The following PIEZO2 variants were observed in gnomAD, a reference collection of about 807,000 sequenced individuals.
PIEZO2 encodes piezo type mechanosensitive ion channel component 2.
Under a neutral mutation model 337.3 loss-of-function variants are expected in PIEZO2, and 172 were observed. The ratio of observed to expected loss-of-function variants is 0.51; its 90% CI spans 0.45 to 0.58. The LOEUF is 0.58. Ranked by LOEUF, PIEZO2 falls within the 20% of genes least tolerant of loss-of-function variation. PIEZO2 has a pLI of 0.00. For missense variants in PIEZO2, 3,028 were observed against 3,391.3 expected (o/e 0.89, Z 2.66); for synonymous variants, 1,251 against 1,228.5 (o/e 1.02, Z -0.38).
Position 10,969,832 on chromosome 18 carries a change from G to A in PIEZO2, c.286+9703C>T, listed in dbSNP as rs1462374208. Among the ~76,000 whole-genome samples, 2 of 147,540 alleles carry A rather than the reference G, an allele frequency of 1.4e-5. No homozygotes were observed. Among genetic ancestry groups the A allele is most frequent in the African/African-American group, 5.0e-5 (2 of 39,950 alleles). On this transcript the variant is annotated intron_variant, in intron 3 of 55. Transcript: ENST00000674853. The surrounding 1 kb of genome is among the most constrained non-coding windows in gnomAD (Gnocchi z 4.5). ...TTGTTTACTTGCAGGTCCAGCAGGT[G>A]AGGACACCACCGAGAATCGGTCACA... is the stretch of plus-strand genomic sequence containing the variant.
chr18:11,041,530 G>C (rs1228134000), intron 2 of PIEZO2, among the ~76,000 whole-genome samples: 1 of 151,994 alleles, frequency 6.6e-6, no homozygotes, highest in African/African-American at 2.4e-5. Context: ...AAGGTCAGTG[G>C]GTTTTTATAC....
At chr18:10,754,633 G>A (rs189737805) in intron 27 of PIEZO2, among the ~76,000 whole-genome samples, 41 of 152,322 alleles carry the variant, frequency 2.7e-4, no homozygotes, top group Admixed American at 2.3e-3. Flanking sequence ...GGGCTGGACT[G>A]ATTGTTTTCT....
Position 10,716,522 on chromosome 18 carries a change from A to G in PIEZO2, c.5090-706T>C, listed in dbSNP as rs1163547585. 1.3e-5 allele frequency among the ~76,000 whole-genome samples: 2 copies of G among 152,216 alleles called. No individual in the cohort carries two copies. The highest frequency in any genetic ancestry group is 2.9e-5 in the Non-Finnish European group (2 of 68,042). ...TTCCATGAGGTACATTTAAGAAGCA[A>G]GGAAAAGAGCGGGTATCTTTTGCTG... On this transcript the variant is annotated intron_variant, in intron 37 of 55. Coordinates refer to ENST00000674853, the MANE Select transcript of PIEZO2 (RefSeq NM_001378183.1). This position sits in a 1 kb window ranked among gnomAD's most constrained non-coding sequence, Gnocchi z 4.1.
intron 14 of PIEZO2, among the ~76,000 whole-genome samples, chr18:10,790,997 C>T (rs1268896955): frequency 1.3e-5 from 2 of 152,226 alleles, no homozygotes; most frequent in Non-Finnish European, 2.9e-5. Context: ...AGCCACGGCG[C>T]CCGGCCCAAC....
In PIEZO2 at chr18:11,001,934, G is replaced by GAAGGAAGC. The variant is rs1555691383; in HGVS notation, c.161-22275_161-22274insGCTTCCTT. Among the ~76,000 whole-genome samples, 3 of 122,414 alleles carry GAAGGAAGC rather than the reference G, an allele frequency of 2.5e-5. No homozygotes were observed. Among genetic ancestry groups the GAAGGAAGC allele is most frequent in the African/African-American group, 8.1e-5 (3 of 36,884 alleles). 80.3% of individuals were successfully genotyped at this position (122,414 alleles called of 152,430 possible). Reference sequence around the variant, plus strand: ...GGAAGGAAGGAAGGAAGGAAGGAAGGAAGGAAGGAAGGAAGAAAAAAAGAC... The same window carrying GAAGGAAGC: ...GGAAGGAAGGAAGGAAGGAAGGAAGGAAGGAAGCAAGGAAGGAAGGAAGAAAAAAAGAC... On this transcript the variant is annotated intron_variant, in intron 2 of 55. Coordinates refer to ENST00000674853, the MANE Select transcript of PIEZO2 (RefSeq NM_001378183.1). This position sits in a 1 kb window ranked among gnomAD's most constrained non-coding sequence, Gnocchi z 5.3.
Position 10,962,536 on chromosome 18 carries a change from C to T in PIEZO2, c.286+16999G>A, listed in dbSNP as rs74547742. 0.018 allele frequency among the ~76,000 whole-genome samples: 2,805 copies of T among 152,282 alleles called. 103 individuals carry two copies. The highest frequency in any genetic ancestry group is 0.063 in the African/African-American group (2,627 of 41,542). On this transcript the variant is annotated intron_variant, in intron 3 of 55. Transcript: ENST00000674853. The surrounding 1 kb of genome is among the most constrained non-coding windows in gnomAD (Gnocchi z 4.1). ...CTCTGTAGGTGTGATGTTTCCCCAT[C>T]AACAGTCCCATCACTTCAGGTGACT...
Position 10,795,991 on chromosome 18 carries a change from GA to G in PIEZO2, c.1528-990del, listed in dbSNP as rs1401537876. Among the ~76,000 whole-genome samples, 1 of 152,058 alleles carries G rather than the reference GA, an allele frequency of 6.6e-6. No individual in the cohort carries two copies. Among genetic ancestry groups the G allele is most frequent in the African/African-American group, 2.4e-5 (1 of 41,386 alleles). On this transcript the variant is annotated intron_variant, in intron 12 of 55. Coordinates refer to ENST00000674853, the MANE Select transcript of PIEZO2 (RefSeq NM_001378183.1). This position sits in a 1 kb window ranked among gnomAD's most constrained non-coding sequence, Gnocchi z 4.4. ...GGTGTGATGTTGCAGATGGTGAGTA[GA>G]AACACACATAAACTGAGAGCTCACA...
intron 2 of PIEZO2, among the ~76,000 whole-genome samples, chr18:11,029,914 T>C (rs1283597393): frequency 1.3e-5 from 2 of 152,172 alleles, no homozygotes; most frequent in East Asian, 3.9e-4. Flanking sequence ...TCCTTTTTTA[T>C]CTTCTGCGTT....
rs2039884254 is a variant in PIEZO2, at chr18:11,116,265, C to A, written c.64+32260G>T. Reference sequence around the variant, plus strand: ...ATCTGGTCTTTGATTTTGGAAATGTCTAGGAGTTTGGGGATCCCAGGAAGG... The same window carrying A: ...ATCTGGTCTTTGATTTTGGAAATGTATAGGAGTTTGGGGATCCCAGGAAGG... On this transcript the variant is annotated intron_variant, in intron 1 of 55. Transcript: ENST00000674853. The surrounding 1 kb of genome is among the most constrained non-coding windows in gnomAD (Gnocchi z 5.0). Among the ~76,000 whole-genome samples, 1 of 152,122 alleles carries A rather than the reference C, an allele frequency of 6.6e-6. No individual in the cohort carries two copies. Among genetic ancestry groups the A allele is most frequent in the African/African-American group, 2.4e-5 (1 of 41,414 alleles).
intron 4 of PIEZO2, chr18:10,893,516 GTC>G (rs2042812423): frequency 6.6e-6 from 1 of 152,114 alleles, no homozygotes; most frequent in Non-Finnish European, 1.5e-5. Flanking sequence ...AGATGCAAGG[GTC>G]TCTCTGCATG....
Position 11,149,246 on chromosome 18 carries a change from G to A in PIEZO2, c.-658C>T, listed in dbSNP as rs1245469082. 6.6e-6 allele frequency among the ~76,000 whole-genome samples: 1 copy of A among 151,860 alleles called. No homozygotes were observed. Among genetic ancestry groups the A allele is most frequent in the Non-Finnish European group, 1.5e-5 (1 of 67,948 alleles). On this transcript the variant is annotated 5_prime_UTR_variant, in exon 1 of 56. Coordinates refer to ENST00000674853, the MANE Select transcript of PIEZO2 (RefSeq NM_001378183.1). This position sits in a 1 kb window ranked among gnomAD's most constrained non-coding sequence, Gnocchi z 8.7. ...CAGCCCCTGCGCCCCCCAGCTTCGG[G>A]CCGGAGAGACCGGGGTGGGAGCTGC...
At chr18:10,976,556 A>C (rs1050203815) in intron 3 of PIEZO2, among the ~76,000 whole-genome samples, 1 of 152,158 alleles carries the variant, frequency 6.6e-6, no homozygotes, top group Non-Finnish European at 1.5e-5. Context: ...AACTTTATGG[A>C]AATAAAGTTT....
intron 2 of PIEZO2, among the ~76,000 whole-genome samples, chr18:11,041,855 C>T (rs982291108): frequency 5.9e-5 from 9 of 152,184 alleles, no homozygotes; most frequent in Non-Finnish European, 1.3e-4. Flanking sequence ...TCTATATTAC[C>T]ACTTAGGGCA....
intron 24 of PIEZO2, 119 bp from the exon 25 acceptor site, chr18:10,760,028 T>G (rs1266624099): frequency 1.2e-6 from 1 of 835,834 alleles, no homozygotes; most frequent in Non-Finnish European, 1.9e-6. Flanking sequence ...CAAGTCTGTC[T>G]GCACAGATTC....
At chr18:11,130,071 TA>T (rs990292463) in intron 1 of PIEZO2, among the ~76,000 whole-genome samples, 1 of 151,984 alleles carries the variant, frequency 6.6e-6, no homozygotes, top group Non-Finnish European at 1.5e-5. Flanking sequence ...CCTAGAAAAA[TA>T]GTAAGTCAAA....
At chr18:11,108,055 T>C (rs949843688) in intron 1 of PIEZO2, among the ~76,000 whole-genome samples, 1 of 152,202 alleles carries the variant, frequency 6.6e-6, no homozygotes, top group African/African-American at 2.4e-5. Context: ...GTTATAATAT[T>C]AACTCAATAC....
chr18:10,817,835 A>G (rs1395032685), intron 7 of PIEZO2, among the ~76,000 whole-genome samples: 1 of 151,670 alleles, frequency 6.6e-6, no homozygotes, highest in East Asian at 1.9e-4. Flanking sequence ...AGGCAGGAGA[A>G]TCACTTGAAC....
Position 10,973,145 on chromosome 18 carries a change from T to C in PIEZO2, c.286+6390A>G, listed in dbSNP as rs2034307394. 6.6e-6 allele frequency among the ~76,000 whole-genome samples: 1 copy of C among 152,128 alleles called. No individual in the cohort carries two copies. The highest frequency in any genetic ancestry group is 2.1e-4 in the South Asian group (1 of 4,826). ...AACTGCTGCATAAAGTGAGCATCCA[T>C]ATCTATTACTAAAGGTGAATCAAAA... On this transcript the variant is annotated intron_variant, in intron 3 of 55. Coordinates refer to ENST00000674853, the MANE Select transcript of PIEZO2 (RefSeq NM_001378183.1). This position sits in a 1 kb window ranked among gnomAD's most constrained non-coding sequence, Gnocchi z 4.9.
chr18:10,800,200 C>G, intron 11 of PIEZO2, 137 bp downstream of exon 11: 1 of 1,237,808 alleles, frequency 8.1e-7, no homozygotes, highest in Non-Finnish European at 1.1e-6. Context: ...GCAGGCAGAA[C>G]TTAAAGAAGT....
Sources: gnomAD v4.1 joint callset for allele counts (sites outside exome capture counted in the v4.1 genomes callset) on GRCh38, gnomAD v4.1.1 for gene constraint, Gnocchi (gnomAD v3.1) non-coding constraint, MANE v1.5 for transcripts, NCBI Gene and HGNC (gene_info 2026-07-23, HGNC 2026-07-21) for gene names.